The following SNTG1 variants were observed in gnomAD, a reference collection of about 807,000 sequenced individuals.
The protein encoded by SNTG1 is syntrophin gamma 1, also known as gamma-1-syntrophin.
In SNTG1, 39 loss-of-function variants were observed where a neutral mutation model predicts 74.7. The ratio of observed to expected loss-of-function variants is 0.52; its 90% CI spans 0.40 to 0.68. The LOEUF (loss-of-function observed/expected upper bound fraction) is 0.68, where lower values mean the gene tolerates loss of function less well. SNTG1 is among the 30% of genes least tolerant of loss of function. The pLI is 0.00. For missense variants in SNTG1, 685 were observed against 609.5 expected, an observed-to-expected ratio of 1.12 and a Z score of -1.30; for synonymous variants, 254 against 217.1, an observed-to-expected ratio of 1.17 and a Z score of -1.49.
intron 1 of SNTG1, among the ~76,000 whole-genome samples, chr8:50,165,791 C>A (rs2082593834): frequency 6.6e-6 from 1 of 152,166 alleles, no homozygotes; most frequent in Non-Finnish European, 1.5e-5. Context: ...ATGGGCATTA[C>A]TAGTTGAACC....
chr8:50,265,037 A>G (rs1179974665), intron 2 of SNTG1, among the ~76,000 whole-genome samples: 4 of 152,162 alleles, frequency 2.6e-5, no homozygotes, highest in Non-Finnish European at 4.4e-5. Context: ...TGTTACTGGT[A>G]AATCCTTCCA....
chr8:50,591,194 T>C (rs2094689764), intron 13 of SNTG1, among the ~76,000 whole-genome samples: 1 of 152,126 alleles, frequency 6.6e-6, no homozygotes, highest in Non-Finnish European at 1.5e-5. Flanking sequence ...ACTTAGAGTT[T>C]TATTTACATA....
chr8:50,669,428 C>T (rs2095267544), intron 15 of SNTG1, among the ~76,000 whole-genome samples: 1 of 152,138 alleles, frequency 6.6e-6, no homozygotes, highest in African/African-American at 2.4e-5. Context: ...TGCAAATAAA[C>T]TAGAAAATCT....
At position 50,112,822 on chromosome 8, in the gene SNTG1, C is replaced by A. The variant is rs531509111; in HGVS notation, c.-102-59739C>A. ...CTGCATCTGGCCCAAATATTTAATT[C>A]TAAATATGCATGGATGTTAAATAGG... On this transcript the variant is annotated intron_variant, in intron 1 of 18. Transcript: ENST00000642720. Among the ~76,000 whole-genome samples the A allele has an allele frequency of 5.9e-4, 89 of 152,086 alleles. 1 individual carries two copies. The South Asian group carries it at 0.018, about 31-fold the overall frequency.
chr8:50,158,034 A>G (rs955607714), intron 1 of SNTG1, among the ~76,000 whole-genome samples: 2 of 152,086 alleles, frequency 1.3e-5, no homozygotes, highest in African/African-American at 2.4e-5. Context: ...ACCTCTTCCT[A>G]TCACTCTCCC....
intron 2 of SNTG1, among the ~76,000 whole-genome samples, chr8:50,220,676 GAGCAAGAGTGC>G (rs963090198): frequency 6.6e-6 from 1 of 152,190 alleles, no homozygotes; most frequent in Non-Finnish European, 1.5e-5. Context: ...CAGGGCAATG[GAGCAAGAGTGC>G]AGCACAGTAG....
At chr8:50,335,575 G>A (rs1441447499) in intron 2 of SNTG1, among the ~76,000 whole-genome samples, 1 of 152,106 alleles carries the variant, frequency 6.6e-6, no homozygotes, top group African/African-American at 2.4e-5. Flanking sequence ...CTCAAAACCA[G>A]TATGGTTGAA....
At chr8:50,216,133 G>C (rs187365406) in intron 2 of SNTG1, among the ~76,000 whole-genome samples, 24 of 152,246 alleles carry the variant, frequency 1.6e-4, no homozygotes, top group African/African-American at 5.5e-4. Context: ...CAATGGGTCA[G>C]CTGATTTGGC....
intron 11 of SNTG1, among the ~76,000 whole-genome samples, chr8:50,538,931 A>T (rs1381115782): frequency 6.6e-6 from 1 of 152,114 alleles, no homozygotes; most frequent in Non-Finnish European, 1.5e-5. Flanking sequence ...ATGCTTTCAA[A>T]TTTTATTTCC....
At chr8:50,273,864 T>C (rs1304136767) in intron 2 of SNTG1, among the ~76,000 whole-genome samples, 1 of 152,176 alleles carries the variant, frequency 6.6e-6, no homozygotes, top group Non-Finnish European at 1.5e-5. Flanking sequence ...TAATGGAGGA[T>C]GTCCTGGAAT....
At chr8:50,712,541 T>A (rs750243390) in intron 17 of SNTG1, among the ~76,000 whole-genome samples, 25 of 152,152 alleles carry the variant, frequency 1.6e-4, no homozygotes, top group Non-Finnish European at 2.2e-4. Flanking sequence ...AAAACATGCA[T>A]GTTTGTTACA....
intron 8 of SNTG1, among the ~76,000 whole-genome samples, chr8:50,484,942 C>T (rs2093777679): frequency 6.6e-6 from 1 of 152,152 alleles, no homozygotes. Flanking sequence ...GTCTGCCCAT[C>T]TGCAAGATTT....
intron 12 of SNTG1, among the ~76,000 whole-genome samples, chr8:50,557,414 CA>C (rs2094462635): frequency 2.0e-5 from 3 of 151,960 alleles, no homozygotes; most frequent in Middle Eastern, 3.4e-3. Context: ...GCAAATTACA[CA>C]AACTTGGTGC....
At chr8:50,329,661 C>T (rs1382741568) in intron 2 of SNTG1, among the ~76,000 whole-genome samples, 1 of 152,044 alleles carries the variant, frequency 6.6e-6, no homozygotes, top group Non-Finnish European at 1.5e-5. Context: ...AATCATTTTT[C>T]CTCCTAGACT....
At chr8:50,569,399 GA>G (rs370525586) in intron 12 of SNTG1, among the ~76,000 whole-genome samples, 4,167 of 140,154 alleles carry the variant, frequency 0.03, 119 homozygotes, top group African/African-American at 0.078. Flanking sequence ...GTGCAGAAGT[GA>G]AAAAAAAAAA....
rs140287450 is a variant in SNTG1 at position 50,179,767 on chromosome 8, T to A, written c.-28+7132T>A. On this transcript the variant is annotated intron_variant, in intron 2 of 18. Coordinates refer to ENST00000642720, the MANE Select transcript of SNTG1 (RefSeq NM_018967.5). ...TCTGTTAAGATGGCTATAATAAAAA[T>A]GACAAGAGATAAGAGGTGTCAGCAA... Among the ~76,000 whole-genome samples the A allele has an allele frequency of 9.0e-3, 1,377 of 152,176 alleles. 24 individuals are homozygous for A. Among genetic ancestry groups the A allele is most frequent in the African/African-American group, 0.032 (1,323 of 41,524 alleles).
intron 8 of SNTG1, among the ~76,000 whole-genome samples, chr8:50,495,958 C>T (rs1014992286): frequency 6.6e-6 from 1 of 152,142 alleles, no homozygotes; most frequent in African/African-American, 2.4e-5. Flanking sequence ...AAGCCAAGTT[C>T]TTATTTTTCC....
intron 1 of SNTG1, among the ~76,000 whole-genome samples, chr8:50,007,897 G>T (rs1220794755): frequency 2.6e-5 from 4 of 152,120 alleles, no homozygotes; most frequent in African/African-American, 9.7e-5. Flanking sequence ...GGGAGGCAAA[G>T]GAGAAGTAAG....
chr8:50,559,911 A>G (rs1181033801), intron 12 of SNTG1, among the ~76,000 whole-genome samples: 1 of 152,212 alleles, frequency 6.6e-6, no homozygotes, highest in East Asian at 1.9e-4. Flanking sequence ...GCACAGCAAA[A>G]GAAATTATCC....
Sources: allele counts gnomAD v4.1 joint callset (sites outside exome capture counted in the v4.1 genomes callset), GRCh38; gene constraint gnomAD v4.1.1; transcripts MANE v1.5; gene names NCBI Gene and HGNC (gene_info 2026-07-23, HGNC 2026-07-21).